Variants in UBE4B observed in about 807,000 individuals in gnomAD.
UBE4B encodes ubiquitination factor E4B.
Under a neutral mutation model 148.1 loss-of-function variants are expected in UBE4B, and 27 were observed. The observed-to-expected ratio is 0.18, with a 90% confidence interval of 0.13 to 0.25. UBE4B has a LOEUF of 0.25. UBE4B is among the 10% of genes least tolerant of loss of function. The pLI, the probability that UBE4B is intolerant of heterozygous loss-of-function variation, is 1.00. For synonymous variants in UBE4B, 596 were observed against 619.3 expected, an observed-to-expected ratio of 0.96 and a Z score of 0.56; for missense variants, 1,170 against 1,662.4, an observed-to-expected ratio of 0.70 and a Z score of 5.15.
chr1:10,081,631 T>G (rs1419386937), intron 2 of UBE4B, among the ~76,000 whole-genome samples: 2 of 151,292 alleles, frequency 1.3e-5, no homozygotes, highest in African/African-American at 4.9e-5. Flanking sequence ...TCTTGTCACC[T>G]AGGCTGGAGT....
At chr1:10,105,903 T>G (rs746101018) in intron 6 of UBE4B, among the ~76,000 whole-genome samples, 159 bp downstream of exon 6, 1 of 152,194 alleles carries the variant, frequency 6.6e-6, no homozygotes, top group African/African-American at 2.4e-5. Flanking sequence ...TGGAATTCTC[T>G]TTTCTAGATT....
At chr1:10,141,016 T>G (rs548581732) in intron 17 of UBE4B, among the ~76,000 whole-genome samples, 1 of 152,320 alleles carries the variant, frequency 6.6e-6, no homozygotes, top group East Asian at 1.9e-4. Flanking sequence ...CTGGTAGGTA[T>G]AATCATGTCA....
chr1:10,109,444 T>C (rs140397347), intron 7 of UBE4B, among the ~76,000 whole-genome samples: 158 of 152,310 alleles, frequency 1.0e-3, no homozygotes, highest in African/African-American at 3.2e-3. Context: ...AATTACAAAA[T>C]GCCATCCCAG....
intron 1 of UBE4B, among the ~76,000 whole-genome samples, chr1:10,063,612 A>G (rs1445865568): frequency 6.6e-6 from 1 of 152,152 alleles, no homozygotes; most frequent in African/African-American, 2.4e-5. Context: ...TTGTTTTAAA[A>G]GGTACATCTG....
intron 14 of UBE4B, 70 bp downstream of exon 14, chr1:10,130,883 T>C: frequency 2.2e-6 from 3 of 1,364,198 alleles, no homozygotes; most frequent in Non-Finnish European, 3.1e-6. Flanking sequence ...TTTTATTTTG[T>C]AGACTGGACT....
chr1:10,103,174 A>G (rs1235789297), intron 5 of UBE4B, 82 bp downstream of exon 5: 5 of 1,407,306 alleles, frequency 3.6e-6, no homozygotes, highest in African/African-American at 2.8e-5. Context: ...TGTTATCCAC[A>G]TTCACTCCAT....
At position 10,106,452 on chromosome 1, in the gene UBE4B, C is replaced by T. The variant is rs1216814298; in HGVS notation, c.1065C>T (p.Ala355=). ...TGTCGAGCTCCCCAAGTCCCCCTGC[C>T]CTCGCCAGTAGCCCCCAAGCAGTGC... is the stretch of plus-strand genomic sequence containing the variant. ...SILSSSPSPP[A]LASSPQAVPA... The change falls in exon 7 of 28, where the codon GCC becomes GCT. Residue 355 remains alanine, a synonymous_variant. Transcript: ENST00000343090. The surrounding 1 kb of genome is among the most constrained non-coding windows in gnomAD (Gnocchi z 4.2). 1.2e-6 allele frequency: 2 copies of T among 1,613,860 alleles called. No homozygotes were observed. The highest frequency in any genetic ancestry group is 1.7e-6 in the Non-Finnish European group (2 of 1,180,008).
chr1:10,064,096 C>T (rs552335036), intron 1 of UBE4B, among the ~76,000 whole-genome samples: 1 of 152,252 alleles, frequency 6.6e-6, no homozygotes, highest in Non-Finnish European at 1.5e-5. Context: ...CTCATTCTTA[C>T]CAACTACTCA....
At chr1:10,045,515 G>T (rs901056134) in intron 1 of UBE4B, among the ~76,000 whole-genome samples, 1 of 152,222 alleles carries the variant, frequency 6.6e-6, no homozygotes, top group Admixed American at 6.5e-5. Flanking sequence ...TCTCTTGGTG[G>T]TGAAAAATAA....
intron 15 of UBE4B, among the ~76,000 whole-genome samples, chr1:10,132,998 T>C (rs956357591): frequency 1.3e-5 from 2 of 151,888 alleles, no homozygotes; most frequent in African/African-American, 4.8e-5. Context: ...AGAACTGTCA[T>C]GGGAGGGTTT....
chr1:10,177,580 C>T (rs1646446573), intron 25 of UBE4B, among the ~76,000 whole-genome samples: 2 of 152,074 alleles, frequency 1.3e-5, no homozygotes, highest in Non-Finnish European at 2.9e-5. Flanking sequence ...TGCTTGAGCC[C>T]AGGAGTTTGA....
At chr1:10,095,211 G>GT (rs1644912261) in intron 2 of UBE4B, among the ~76,000 whole-genome samples, 1 of 152,132 alleles carries the variant, frequency 6.6e-6, no homozygotes, top group South Asian at 2.1e-4. Context: ...TGAGGGGTGA[G>GT]TTTTAGGCAT....
chr1:10,069,123 CTGTT>C (rs1335107460), intron 1 of UBE4B, among the ~76,000 whole-genome samples: 1 of 152,208 alleles, frequency 6.6e-6, no homozygotes, highest in African/African-American at 2.4e-5. Flanking sequence ...CATTTATTCT[CTGTT>C]TATATCACTG....
chr1:10,126,891 C>A lies in UBE4B; in HGVS notation c.1638+14C>A, dbSNP rs778363412. 7.5e-6 allele frequency: 12 copies of A among 1,605,718 alleles called. No homozygotes were observed. In the South Asian group the frequency reaches 1.2e-4, roughly 16 times the overall value. On this transcript the variant is annotated intron_variant, in intron 11 of 27. Transcript: ENST00000343090. Reference sequence around the variant, plus strand: ...TACCCCCTCATGGTAAAACTTTGTTCTTTTTCTTTAACTCATTCAATAGAT... The same window carrying A: ...TACCCCCTCATGGTAAAACTTTGTTATTTTTCTTTAACTCATTCAATAGAT...
chr1:10,178,616 G>A (rs751557146), intron 25 of UBE4B, 28 bp from the exon 26 acceptor site: 70 of 1,552,458 alleles, frequency 4.5e-5, no homozygotes, highest in South Asian at 3.6e-4. Context: ...GTACATTTAC[G>A]TCTCACATTG....
At chr1:10,036,845 G>A (rs1366517080) in intron 1 of UBE4B, among the ~76,000 whole-genome samples, 1 of 152,118 alleles carries the variant, frequency 6.6e-6, no homozygotes, top group Admixed American at 6.6e-5. Flanking sequence ...AACAGGCAAG[G>A]CGGTGATCTT....
At chr1:10,141,083 A>G (rs967989992) in intron 17 of UBE4B, among the ~76,000 whole-genome samples, 8 of 152,232 alleles carry the variant, frequency 5.3e-5, no homozygotes, top group African/African-American at 1.9e-4. Flanking sequence ...CTGATCAAGC[A>G]TCCTCAGAAT....
chr1:10,171,833 A>G (rs1646343528), intron 25 of UBE4B, among the ~76,000 whole-genome samples: 1 of 152,152 alleles, frequency 6.6e-6, no homozygotes, highest in Non-Finnish European at 1.5e-5. Flanking sequence ...GTGAGCTGAG[A>G]TTGTGCCACT....
chr1:10,148,406 C>T (rs954173291), intron 19 of UBE4B, among the ~76,000 whole-genome samples: 7 of 151,714 alleles, frequency 4.6e-5, no homozygotes, highest in Non-Finnish European at 1.0e-4. Context: ...CTGAGGCAGG[C>T]GGATCACTTG....
Sources: gnomAD v4.1 joint callset for allele counts (sites outside exome capture counted in the v4.1 genomes callset) on GRCh38, gnomAD v4.1.1 for gene constraint, Gnocchi (gnomAD v3.1) non-coding constraint, MANE v1.5 for transcripts, NCBI Gene and HGNC (gene_info 2026-07-23, HGNC 2026-07-21) for gene names.